Variants in UPP1 observed in about 807,000 individuals in gnomAD.
UPP1 encodes the protein UPase 1.
In UPP1, 25 loss-of-function variants were observed where a neutral mutation model predicts 29.6. That is an observed-to-expected ratio of 0.85 (90% CI 0.62 to 1.18). The LOEUF is 1.18. Ranked by LOEUF, UPP1 falls within the 50% of genes most tolerant of loss-of-function variation. UPP1 has a pLI of 0.00. For missense variants in UPP1, 368 were observed against 410.4 expected (o/e 0.90, Z 0.89); for synonymous variants, 165 against 159.8 (o/e 1.03, Z -0.25).
chr7:48,104,050 T>C, intron 6 of UPP1: 1 of 465,238 alleles, frequency 2.1e-6, no homozygotes, highest in Non-Finnish European at 3.4e-6. Context: ...AAACCCCGTC[T>C]CTACTAAAAT....
At chr7:48,092,012 G>A (rs1419226189) in intron 2 of UPP1, among the ~76,000 whole-genome samples, 1 of 152,158 alleles carries the variant, frequency 6.6e-6, no homozygotes, top group East Asian at 1.9e-4. Flanking sequence ...TCTCTGGAGA[G>A]CTTTCCGGGG....
intron 6 of UPP1, chr7:48,105,697 GCT>G (rs1190356603): frequency 1.3e-5 from 2 of 152,386 alleles, no homozygotes; most frequent in Non-Finnish European, 2.9e-5. Context: ...GATTCATAGA[GCT>G]CTGTTTTCTC....
intron 5 of UPP1, among the ~76,000 whole-genome samples, chr7:48,102,206 G>A (rs922831168): frequency 1.3e-5 from 2 of 152,158 alleles, no homozygotes; most frequent in East Asian, 1.9e-4. Flanking sequence ...CATATACACC[G>A]CTGTCTGTCT....
intron 4 of UPP1, among the ~76,000 whole-genome samples, chr7:48,100,357 A>G (rs1032935374): frequency 6.6e-6 from 1 of 152,240 alleles, no homozygotes; most frequent in Admixed American, 6.5e-5. Flanking sequence ...GGGCATGACT[A>G]TGCATTTGAA....
intron 2 of UPP1, among the ~76,000 whole-genome samples, chr7:48,090,745 A>G (rs1430130927): frequency 2.6e-5 from 4 of 152,240 alleles, no homozygotes; most frequent in South Asian, 4.1e-4. Flanking sequence ...TTTTGGCCCA[A>G]GCTTTCCCCA....
chr7:48,091,667 G>A (rs1264063453), intron 2 of UPP1, among the ~76,000 whole-genome samples: 2 of 152,154 alleles, frequency 1.3e-5, no homozygotes, highest in African/African-American at 4.8e-5. Flanking sequence ...TGCCTACGTG[G>A]GTGTGGTTAA....
chr7:48,103,379 C>T lies in UPP1; in HGVS notation c.404C>T (p.Thr135Ile), dbSNP rs755150403. 5 of 1,614,016 alleles carry T rather than the reference C, an allele frequency of 3.1e-6. No homozygotes were observed. In the East Asian group the frequency reaches 1.1e-4, roughly 36 times the overall value. ...LLYYARCSNV[T>I]IIRIGTSGGI... is the part of the protein sequence containing the mutation. ...TACTATGCCCGGTGCTCCAACGTCA[C>T]TATCATCCGCATTGGCACTTCTGGT... Residue 135 changes from threonine to isoleucine, a missense_variant, in exon 6 of 9, where the codon ACT becomes ATT. Thr to Ile is a moderately conservative substitution (Grantham distance 89). Coordinates refer to ENST00000395564, the MANE Select transcript of UPP1 (RefSeq NM_003364.4).
At chr7:48,090,683 C>T (rs960459462) in intron 2 of UPP1, among the ~76,000 whole-genome samples, 5 of 152,192 alleles carry the variant, frequency 3.3e-5, no homozygotes, top group African/African-American at 1.2e-4. Flanking sequence ...CTGAGCCATT[C>T]CCAGGGCAGG....
chr7:48,107,545 C>T (rs775373285), intron 8 of UPP1, 38 bp downstream of exon 8: 1 of 1,568,716 alleles, frequency 6.4e-7, no homozygotes, highest in Non-Finnish European at 8.7e-7. Flanking sequence ...TCCCCTCCTC[C>T]CTTCACTTCT....
chr7:48,104,013 A>T (rs540349631), intron 6 of UPP1: 2 of 773,592 alleles, frequency 2.6e-6, no homozygotes, highest in South Asian at 3.6e-5. Flanking sequence ...AGATCGGGAG[A>T]TCGAGACCAT....
At chr7:48,105,583 CT>C (rs1467661384) in intron 6 of UPP1, 1 of 152,256 alleles carries the variant, frequency 6.6e-6, no homozygotes, top group African/African-American at 2.4e-5. Context: ...ATGCCATTGA[CT>C]GAGTGGCTTA....
chr7:48,095,700 G>C (rs1431024349), intron 3 of UPP1, among the ~76,000 whole-genome samples: 1 of 151,870 alleles, frequency 6.6e-6, no homozygotes, highest in African/African-American at 2.4e-5. Context: ...CTGGAGTGCA[G>C]TGAGTGGCGC....
chr7:48,107,527 C>A lies in UPP1; in HGVS notation c.793+20C>A. ...TCCAAGGTAAGCGGCACTTGATGGGCCTCGGCGTCCCCTCCTCCCTTCACT... is the reference window on the plus strand; with the variant it reads ...TCCAAGGTAAGCGGCACTTGATGGGACTCGGCGTCCCCTCCTCCCTTCACT... On this transcript the variant is annotated intron_variant, in intron 8 of 8. Coordinates refer to ENST00000395564, the MANE Select transcript of UPP1 (RefSeq NM_003364.4). The A allele has an allele frequency of 6.3e-7, 1 of 1,587,036 alleles. No homozygotes were observed. The highest frequency in any genetic ancestry group is 2.2e-5 in the East Asian group (1 of 44,460).
At chr7:48,092,130 A>G (rs1234138931) in intron 2 of UPP1, among the ~76,000 whole-genome samples, 1 of 152,028 alleles carries the variant, frequency 6.6e-6, no homozygotes, top group East Asian at 1.9e-4. Context: ...GCTCCCTCCC[A>G]TTAGCTCCCT....
At chr7:48,103,250 C>A in intron 5 of UPP1, 47 bp from the exon 6 acceptor site, 1 of 1,468,064 alleles carries the variant, frequency 6.8e-7, no homozygotes, top group Non-Finnish European at 9.5e-7. Context: ...AGAACATTGA[C>A]AAAGTCACAA....
chr7:48,092,700 GTTTC>G (rs1236592092), intron 2 of UPP1, among the ~76,000 whole-genome samples: 2 of 147,742 alleles, frequency 1.4e-5, no homozygotes, highest in African/African-American at 2.5e-5. Context: ...GACCCTGTTT[GTTTC>G]TTTTTTTTTT....
chr7:48,100,721 T>G (rs1350486132), intron 4 of UPP1, among the ~76,000 whole-genome samples: 1 of 152,238 alleles, frequency 6.6e-6, no homozygotes, highest in Non-Finnish European at 1.5e-5. Context: ...AATAGTGTTA[T>G]GTCTTATCAA....
intron 2 of UPP1, among the ~76,000 whole-genome samples, chr7:48,093,041 T>TAA (rs930397336): frequency 6.7e-6 from 1 of 149,856 alleles, no homozygotes; most frequent in African/African-American, 2.4e-5. Context: ...AGTGTTGAAT[T>TAA]AAAAAAAAAA....
intron 4 of UPP1, 116 bp from the exon 5 acceptor site, chr7:48,101,708 A>G: frequency 4.9e-6 from 6 of 1,221,504 alleles, no homozygotes; most frequent in Middle Eastern, 2.9e-4. Context: ...GAGGCCAGTG[A>G]ACTTATATTT....
Sources: allele counts gnomAD v4.1 joint callset (sites outside exome capture counted in the v4.1 genomes callset), GRCh38; gene constraint gnomAD v4.1.1; transcripts MANE v1.5; gene names NCBI Gene and HGNC (gene_info 2026-07-23, HGNC 2026-07-21).